SEPTIN1: variants seen among roughly 807,000 people sequenced by gnomAD.
SEPTIN1 encodes the protein septin-1.
In SEPTIN1, 52 loss-of-function variants were observed where a neutral mutation model predicts 50.7. The ratio of observed to expected loss-of-function variants is 1.03; its 90% confidence interval spans 0.82 to 1.29. The LOEUF (loss-of-function observed/expected upper bound fraction) is 1.29, where lower values mean the gene tolerates loss of function less well. Ranked by LOEUF, SEPTIN1 falls within the 50% of genes most tolerant of loss-of-function variation. SEPTIN1 has a pLI of 0.00. For missense variants in SEPTIN1, 455 were observed against 490.7 expected, an observed-to-expected ratio of 0.93 and a Z score of 0.69; for synonymous variants, 204 against 189.1, an observed-to-expected ratio of 1.08 and a Z score of -0.65.
chr16:30,379,897 G>A (rs371561719), intron 7 of SEPTIN1, 35 bp downstream of exon 7: 89 of 1,187,538 alleles, frequency 7.5e-5, no homozygotes, highest in Non-Finnish European at 9.5e-5. Context: ...GTGAGCCACC[G>A]TGCCCGGCCT....
At chr16:30,379,386 G>A in intron 8 of SEPTIN1, 49 bp downstream of exon 8, 1 of 1,536,570 alleles carries the variant, frequency 6.5e-7, no homozygotes, top group Non-Finnish European at 9.0e-7. Context: ...CTGACCCAGA[G>A]GCCCCGGGCT....
chr16:30,382,790 A>G (rs964800514), upstream of SEPTIN1: 6 of 1,535,684 alleles, frequency 3.9e-6, no homozygotes, highest in Admixed American at 2.0e-5. The surrounding 1 kb of genome is among the most constrained non-coding windows in gnomAD (Gnocchi z 4.8). Context: ...TAGCTCCATC[A>G]TCGTGGTGAG....
chr16:30,378,139 C>A lies in SEPTIN1; in HGVS notation c.*295G>T. The A allele has an allele frequency of 1.4e-6, 1 of 720,576 alleles. No homozygotes were observed. The highest frequency in any genetic ancestry group is 2.5e-6 in the Non-Finnish European group (1 of 404,856). The allele number at this position is 720,576 out of a possible 1,614,324, so 44.6% of individuals were successfully genotyped here. On this transcript the variant is annotated 3_prime_UTR_variant, in exon 11 of 11. Transcript: ENST00000321367. Reference sequence around the variant, plus strand: ...CAAGGAAGGAGAAGGCTCGCGTGGCCGCGGGAAGCTCAGTTTTTATTGAAG... The same window carrying A: ...CAAGGAAGGAGAAGGCTCGCGTGGCAGCGGGAAGCTCAGTTTTTATTGAAG...
rs1227558202 is a variant in SEPTIN1 at position 30,379,930 on chromosome 16, A to T, written c.675+2T>A. 2.7e-6 allele frequency: 4 copies of T among 1,485,582 alleles called. No individual in the cohort carries two copies. Among genetic ancestry groups the T allele is most frequent in the Non-Finnish European group, 3.8e-6 (4 of 1,066,416 alleles). The allele number at this position is 1,485,582 out of a possible 1,614,324, so 92.0% of individuals were successfully genotyped here. On this transcript the variant is annotated splice_donor_variant, in intron 7 of 10. Coordinates refer to ENST00000321367, the MANE Select transcript of SEPTIN1 (RefSeq NM_001365977.2). LOFTEE classifies it high-confidence loss of function. ...CCTGCCTTCCTTCTTTGTTTCCCAC[A>T]CCTTCATCTCTGCATCCTGCCTCTT...
rs1361313693 is a variant in SEPTIN1, at chr16:30,381,416, C to G, written c.378G>C (p.Glu126Asp). 1.2e-6 allele frequency: 2 copies of G among 1,614,036 alleles called. No homozygotes were observed. Among genetic ancestry groups the G allele is most frequent in the Non-Finnish European group, 8.5e-7 (1 of 1,180,004 alleles). The change falls in exon 5 of 11, where the codon GAG becomes GAC. Residue 126 changes from glutamate (E) to aspartate (D), a missense_variant. Glu to Asp is a conservative substitution (Grantham distance 45). Coordinates refer to ENST00000321367, the MANE Select transcript of SEPTIN1 (RefSeq NM_001365977.2). The surrounding 1 kb of genome is among the most constrained non-coding windows in gnomAD (Gnocchi z 4.3). ...GGATGTTCTTCCGGTTCAGGCCACT[C>G]TCATCCCTAAGGTACTGCTCAAATT... Reference protein sequence around the residue: ...EEQFEQYLRDESGLNRKNIQD... With the variant: ...EEQFEQYLRDDSGLNRKNIQD...
At position 30,379,476 on chromosome 16, in the gene SEPTIN1, C is replaced by T; in HGVS notation, c.734G>A (p.Arg245Gln). Residue 245 changes from arginine to glutamine, a missense_variant, in exon 8 of 11, where the codon CGG becomes CAG. By Grantham distance (43) the Arg-to-Gln change is conservative. Coordinates refer to ENST00000321367, the MANE Select transcript of SEPTIN1 (RefSeq NM_001365977.2). Reference sequence around the variant, plus strand: ...GGAGTAGCGGCGTCCCCTCACCGGCCGGTTCCCGCCATCCCTCACCACCTC... The same window carrying T: ...GGAGTAGCGGCGTCCCCTCACCGGCTGGTTCCCGCCATCCCTCACCACCTC... The part of the protein sequence containing the change: ...SCEVVRDGGN[R>Q]PVRGRRYSWG... 6.2e-7 allele frequency: 1 copy of T among 1,613,868 alleles called. No homozygotes were observed. Among genetic ancestry groups the T allele is most frequent in the Admixed American group, 1.7e-5 (1 of 60,012 alleles).
chr16:30,380,068 G>T (rs748507949), intron 6 of SEPTIN1, 35 bp from the exon 7 acceptor site: 27 of 1,554,838 alleles, frequency 1.7e-5, no homozygotes, highest in Non-Finnish European at 2.3e-5. Flanking sequence ...AGTGTGAAAC[G>T]GGCCACAATG....
chr16:30,378,610 C>A lies in SEPTIN1; in HGVS notation c.1032G>T (p.Glu344Asp). 2 of 1,611,688 alleles carry A rather than the reference C, an allele frequency of 1.2e-6. No individual in the cohort carries two copies. The highest frequency in any genetic ancestry group is 1.7e-6 in the Non-Finnish European group (2 of 1,179,900). ...GGGGGGAAGCGAGGTGCGTGCTCAC[C>A]TCTTCGTCTTTCTCGCGGATCAGCT... ...TEKLIREKDE[E>D]LRRMQEMLEK... The change falls in exon 10 of 11, where the codon GAG (glutamate) becomes GAT (aspartate). Residue 344 changes from glutamate (E) to aspartate (D), a missense_variant and splice_region_variant. Coordinates refer to ENST00000321367, the MANE Select transcript of SEPTIN1 (RefSeq NM_001365977.2).
At chr16:30,380,670 T>C in intron 6 of SEPTIN1, 1 of 175,084 alleles carries the variant, frequency 5.7e-6, no homozygotes, top group Non-Finnish European at 1.2e-5. Context: ...CTCAAGAGGC[T>C]GAGGCAGGAG....
At position 30,381,277 on chromosome 16, in the gene SEPTIN1, A is replaced by G. The variant is rs1555499577; in HGVS notation, c.456-33T>C. 3.1e-6 allele frequency: 5 copies of G among 1,610,896 alleles called. No homozygotes were observed. In the South Asian group the frequency reaches 5.5e-5, roughly 18 times the overall value. ...CAGGGATTGGTCATTGCCCAGCCTC[A>G]GGGGGCAGAGACCCCCCAGCCCTCC... On this transcript the variant is annotated intron_variant, in intron 5 of 10. Coordinates refer to ENST00000321367, the MANE Select transcript of SEPTIN1 (RefSeq NM_001365977.2). This position sits in a 1 kb window ranked among gnomAD's most constrained non-coding sequence, Gnocchi z 4.3.
Position 30,380,009 on chromosome 16 carries a change from C to T in SEPTIN1, c.598G>A (p.Glu200Lys). Residue 200 changes from glutamate (E) to lysine (K), a missense_variant, in exon 7 of 11, where the codon GAG (glutamate) becomes AAG (lysine). Transcript: ENST00000321367. ...TCGGGGAACTGGTAGATGTGGATCT[C>T]CTCTTCCTTCAACTGATCCCGGATC... ...QKIRDQLKEE[E>K]IHIYQFPECD... 6.2e-7 allele frequency: 1 copy of T among 1,612,718 alleles called. No homozygotes were observed. The highest frequency in any genetic ancestry group is 8.5e-7 in the Non-Finnish European group (1 of 1,179,334).
At chr16:30,382,686 T>G (rs1389698780), upstream of SEPTIN1, 3 of 1,532,796 alleles carry the variant, frequency 2.0e-6, no homozygotes, top group African/African-American at 2.7e-5. This position sits in a 1 kb window ranked among gnomAD's most constrained non-coding sequence, Gnocchi z 4.8. Context: ...CCAAGAACAC[T>G]TGGGGTTGCC....
At chr16:30,378,871 G>GGAGA (rs2049794450) in intron 9 of SEPTIN1, 147 bp downstream of exon 9, 2 of 707,928 alleles carry the variant, frequency 2.8e-6, no homozygotes, top group East Asian at 3.0e-5. Flanking sequence ...AGGGAGAGAC[G>GGAGA]GAGAGAGGGA....
In SEPTIN1 at chr16:30,378,659, A is replaced by G. The variant is rs750727995; in HGVS notation, c.983T>C (p.Met328Thr). The G allele has an allele frequency of 1.9e-6, 3 of 1,609,866 alleles. No homozygotes were observed. The highest frequency in any genetic ancestry group is 2.7e-5 in the African/African-American group (2 of 74,702). ...RQSATEIPLP[M>T]LPLADTEKLI... ...CTTCTCGGTGTCCGCCAGAGGCAGC[A>G]TGGGCAGCGGGATCTCTGTGGCGCT... The change falls in exon 10 of 11, where the codon ATG becomes ACG. Residue 328 changes from methionine (M) to threonine (T), a missense_variant. Coordinates refer to ENST00000321367, the MANE Select transcript of SEPTIN1 (RefSeq NM_001365977.2).
Position 30,382,443 on chromosome 16 carries a change from A to T in SEPTIN1, c.19-78T>A. On this transcript the variant is annotated intron_variant, in intron 1 of 10. Transcript: ENST00000321367. This position sits in a 1 kb window ranked among gnomAD's most constrained non-coding sequence, Gnocchi z 4.8. Reference sequence around the variant, plus strand: ...CCAGGATCACTTGAGTTCCTGGGCTAGGAAGAGTCAGTGGGGTCTGGGGAC... The same window carrying T: ...CCAGGATCACTTGAGTTCCTGGGCTTGGAAGAGTCAGTGGGGTCTGGGGAC... 6.4e-7 allele frequency: 1 copy of T among 1,568,588 alleles called. No homozygotes were observed. Among genetic ancestry groups the T allele is most frequent in the Non-Finnish European group, 8.7e-7 (1 of 1,146,024 alleles).
chr16:30,380,265 A>C (rs1225282577), intron 6 of SEPTIN1: 2 of 308,274 alleles, frequency 6.5e-6, no homozygotes, highest in Non-Finnish European at 1.2e-5. Context: ...GACCAGGAGA[A>C]GCCTGGGCAA....
chr16:30,378,171 T>A lies in SEPTIN1; in HGVS notation c.*263A>T, dbSNP rs1472651668. ...AGCTCAGTTTTTATTGAAGACAGAGTCTGGGAGAAGAAGGGGGACTCCGGA... is the reference window on the plus strand; with the variant it reads ...AGCTCAGTTTTTATTGAAGACAGAGACTGGGAGAAGAAGGGGGACTCCGGA... On this transcript the variant is annotated 3_prime_UTR_variant, in exon 11 of 11. Coordinates refer to ENST00000321367, the MANE Select transcript of SEPTIN1 (RefSeq NM_001365977.2). The A allele has an allele frequency of 1.4e-6, 1 of 706,448 alleles. No homozygotes were observed. Among genetic ancestry groups the A allele is most frequent in the Non-Finnish European group, 2.5e-6 (1 of 393,222 alleles). 43.8% of individuals were successfully genotyped at this position (706,448 alleles called of 1,614,324 possible).
chr16:30,379,011 G>C lies in SEPTIN1; in HGVS notation c.941+7C>G. 1.2e-6 allele frequency: 2 copies of C among 1,612,328 alleles called. No individual in the cohort carries two copies. Among genetic ancestry groups the C allele is most frequent in the Non-Finnish European group, 1.7e-6 (2 of 1,179,474 alleles). ...GAGGCTCTGATACTGTCCGCCCCGG[G>C]TCTCACCTGCGGCTGGCTCGATCGC... On this transcript the variant is annotated splice_region_variant and intron_variant, in intron 9 of 10. Coordinates refer to ENST00000321367, the MANE Select transcript of SEPTIN1 (RefSeq NM_001365977.2).
Position 30,379,055 on chromosome 16 carries a change from G to A in SEPTIN1, c.904C>T (p.Leu302=), listed in dbSNP as rs377571349. The change falls in exon 9 of 11, where the codon CTG becomes TTG. Residue 302 remains leucine, a synonymous_variant. Coordinates refer to ENST00000321367, the MANE Select transcript of SEPTIN1 (RefSeq NM_001365977.2). ...EGYRARCLQS[L]ARPGARDRAS... is the part of the protein sequence containing the mutation. Reference sequence around the variant, plus strand: ...CGATCGCGAGCCCCAGGCCGGGCCAGGCTCTGTAGGCAGCGGGCCCGGTAG... The same window carrying A: ...CGATCGCGAGCCCCAGGCCGGGCCAAGCTCTGTAGGCAGCGGGCCCGGTAG... 4.5e-5 allele frequency: 73 copies of A among 1,613,798 alleles called. No homozygotes were observed. The highest frequency in any genetic ancestry group is 5.8e-5 in the Non-Finnish European group (69 of 1,179,976).
Sources: allele counts gnomAD v4.1 joint callset, GRCh38; gene constraint gnomAD v4.1.1; non-coding constraint Gnocchi (gnomAD v3.1); transcripts MANE v1.5; gene names NCBI Gene and HGNC (gene_info 2026-07-23, HGNC 2026-07-21).